The following DEPDC1B variants were observed in gnomAD, a reference collection of about 807,000 sequenced individuals.
The protein encoded by DEPDC1B is DEP domain-containing protein 1B.
Under a neutral mutation model 66.5 loss-of-function variants are expected in DEPDC1B, and 51 were observed. That is an observed-to-expected ratio of 0.77 (90% CI 0.61 to 0.97). DEPDC1B has a LOEUF of 0.97. Among genes scored for constraint, DEPDC1B ranks in the 50% least tolerant of loss-of-function variants. The pLI is 0.00. For synonymous variants in DEPDC1B, 226 were observed against 223.6 expected (o/e 1.01, Z -0.10); for missense variants, 552 against 637.1 (o/e 0.87, Z 1.44).
At chr5:60,656,080 T>G (rs1346567289) in intron 2 of DEPDC1B, among the ~76,000 whole-genome samples, 7 of 152,118 alleles carry the variant, frequency 4.6e-5, no homozygotes, top group African/African-American at 1.7e-4. Context: ...ATGAATAGAA[T>G]GTATATTCTG....
chr5:60,605,657 A>C, intron 8 of DEPDC1B, 33 bp downstream of exon 8: 1 of 1,600,162 alleles, frequency 6.2e-7, no homozygotes, highest in Non-Finnish European at 8.5e-7. Flanking sequence ...TTTCATTCCA[A>C]AAAGTCATAC....
intron 10 of DEPDC1B, 133 bp from the exon 11 acceptor site, chr5:60,598,047 C>A: frequency 2.7e-6 from 2 of 728,426 alleles, no homozygotes; most frequent in Non-Finnish European, 4.2e-6. Flanking sequence ...CATTTCATTC[C>A]AATTTCTATA....
chr5:60,640,317 C>T (rs1367908094), intron 6 of DEPDC1B, among the ~76,000 whole-genome samples: 1 of 152,058 alleles, frequency 6.6e-6, no homozygotes, highest in East Asian at 1.9e-4. Flanking sequence ...GATAAGTATA[C>T]GGTTCATTCT....
At chr5:60,613,176 G>A (rs111463104) in intron 7 of DEPDC1B, among the ~76,000 whole-genome samples, 2,354 of 152,282 alleles carry the variant, frequency 0.015, 24 homozygotes, top group Non-Finnish European at 0.021. Flanking sequence ...GGCAACTATG[G>A]ACAAATAAAC....
At chr5:60,598,673 C>T (rs377317557) in intron 10 of DEPDC1B, among the ~76,000 whole-genome samples, 5 of 152,172 alleles carry the variant, frequency 3.3e-5, no homozygotes, top group African/African-American at 1.2e-4. Flanking sequence ...CTAAAACCAA[C>T]GGCTTTTAAA....
chr5:60,634,053 T>C (rs952437286), intron 7 of DEPDC1B, among the ~76,000 whole-genome samples: 1 of 152,160 alleles, frequency 6.6e-6, no homozygotes, highest in Non-Finnish European at 1.5e-5. Flanking sequence ...GAGAGTGGCA[T>C]GCAGTAGAGT....
intron 2 of DEPDC1B, among the ~76,000 whole-genome samples, chr5:60,674,048 T>C (rs942351390): frequency 6.6e-6 from 1 of 151,474 alleles, no homozygotes; most frequent in African/African-American, 2.4e-5. Context: ...AACTCAGGAA[T>C]AAAGAGGTTA....
intron 1 of DEPDC1B, among the ~76,000 whole-genome samples, chr5:60,699,146 C>G (rs887920153): frequency 6.6e-6 from 1 of 152,174 alleles, no homozygotes; most frequent in African/African-American, 2.4e-5. Context: ...TTTACATTAT[C>G]TGTATCCCAG....
rs1754755037 is a variant in DEPDC1B at position 60,700,103 on chromosome 5, G to T, written c.-10C>A. The T allele has an allele frequency of 1.3e-6, 2 of 1,548,196 alleles. No individual in the cohort carries two copies. The highest frequency in any genetic ancestry group is 2.7e-5 in the African/African-American group (2 of 72,772). The stretch of plus-strand genomic sequence containing the variant: ...CGATGCGATGCTCCATGGCGCGTAG[G>T]CAGCAGCGGCCGCAGCCGCGCCAGC... On this transcript the variant is annotated 5_prime_UTR_variant, in exon 1 of 11. Transcript: ENST00000265036.
At chr5:60,602,661 A>G (rs752667192) in intron 9 of DEPDC1B, among the ~76,000 whole-genome samples, 1 of 152,330 alleles carries the variant, frequency 6.6e-6, no homozygotes, top group African/African-American at 2.4e-5. Context: ...CCATGACAAC[A>G]GCAGCAGCTA....
intron 6 of DEPDC1B, among the ~76,000 whole-genome samples, chr5:60,641,195 G>A (rs771121177): frequency 6.6e-6 from 1 of 152,062 alleles, no homozygotes; most frequent in Non-Finnish European, 1.5e-5. Context: ...GGCTTTCGGT[G>A]CACATGCTGC....
chr5:60,664,154 C>T lies in DEPDC1B; in HGVS notation c.315-16621G>A, dbSNP rs190460478. Among the ~76,000 whole-genome samples the T allele has an allele frequency of 4.6e-5, 7 of 152,264 alleles. No individual in the cohort carries two copies. In the East Asian group the frequency reaches 5.8e-4, roughly 13 times the overall value. On this transcript the variant is annotated intron_variant, in intron 2 of 10. Transcript: ENST00000265036. The stretch of plus-strand genomic sequence containing the variant: ...TATGCCCCAGTGTTAAGCTTGCCAA[C>T]GGGGCAAGACTTTTCTTTATATGTC...
intron 2 of DEPDC1B, 55 bp from the exon 3 acceptor site, chr5:60,647,588 T>C: frequency 1.3e-6 from 2 of 1,568,296 alleles, no homozygotes; most frequent in Non-Finnish European, 1.7e-6. Context: ...ACACAGATAT[T>C]TTAACAATAG....
chr5:60,639,648 G>A (rs1246052171), intron 6 of DEPDC1B, among the ~76,000 whole-genome samples: 1 of 152,152 alleles, frequency 6.6e-6, no homozygotes, highest in Non-Finnish European at 1.5e-5. Flanking sequence ...CTGGCCCAAA[G>A]AGGAACAAGA....
intron 6 of DEPDC1B, among the ~76,000 whole-genome samples, chr5:60,640,143 T>C (rs115737565): frequency 0.019 from 2,966 of 152,276 alleles, 94 homozygotes; most frequent in African/African-American, 0.067. Context: ...ATAATGAAAA[T>C]TGTGAAATAT....
intron 2 of DEPDC1B, among the ~76,000 whole-genome samples, chr5:60,668,061 T>TTTTATATATATATAAAATGGATATTTTA (rs1753922352): frequency 2.0e-4 from 8 of 40,756 alleles, no homozygotes; most frequent in Non-Finnish European, 2.4e-4. Context: ...AATGGATATT[T>TTTTATATATATATAAAATGGATATTTTA]TATATATATA....
intron 7 of DEPDC1B, among the ~76,000 whole-genome samples, chr5:60,607,911 A>T (rs1294651157): frequency 6.6e-6 from 1 of 152,210 alleles, no homozygotes; most frequent in African/African-American, 2.4e-5. Flanking sequence ...CACAAGTCAG[A>T]AATCAGGTTA....
At position 60,604,218 on chromosome 5, in the gene DEPDC1B, C is replaced by CTTTTTTTTTTTTTTTTTTTTT. The variant is rs869142199; in HGVS notation, c.1066-672_1066-652dup. On this transcript the variant is annotated intron_variant, in intron 8 of 10. Coordinates refer to ENST00000265036, the MANE Select transcript of DEPDC1B (RefSeq NM_018369.3). ...TTCCATAGAATTGAAATTAACTATT[C>CTTTTTTTTTTTTTTTTTTTTT]TTTTTTTTTTTTTTTTTTTTTTTAC... Among the ~76,000 whole-genome samples the CTTTTTTTTTTTTTTTTTTTTT allele has an allele frequency of 2.0e-4, 14 of 68,956 alleles. 3 individuals carry two copies. In the East Asian group the frequency reaches 2.2e-3, roughly 11 times the overall value. The allele number at this position is 68,956 out of a possible 152,430, so 45.2% of individuals were successfully genotyped here. A position where few individuals can be genotyped will look rare whatever the true frequency, so the allele number is the denominator to read the frequency against.
chr5:60,646,855 C>CATCT (rs1415532760), intron 3 of DEPDC1B, among the ~76,000 whole-genome samples: 2 of 152,212 alleles, frequency 1.3e-5, no homozygotes, highest in South Asian at 2.1e-4. Context: ...GTGAACTGTG[C>CATCT]ATCTGGGGGA....
Sources: gnomAD v4.1 joint callset for allele counts (sites outside exome capture counted in the v4.1 genomes callset) on GRCh38, gnomAD v4.1.1 for gene constraint, MANE v1.5 for transcripts, NCBI Gene and HGNC (gene_info 2026-07-23, HGNC 2026-07-21) for gene names.